SENP7: variants seen among roughly 807,000 people sequenced by gnomAD.
SENP7 encodes SUMO specific peptidase 7.
A neutral mutation model predicts 141.2 loss-of-function variants in SENP7; 64 were observed. The ratio of observed to expected loss-of-function variants is 0.45; its 90% CI spans 0.37 to 0.56. SENP7 has a LOEUF of 0.56. SENP7 is among the 20% of genes least tolerant of loss of function. The pLI is 0.00. For missense variants in SENP7, 1,025 were observed against 1,212.2 expected (o/e 0.85, Z 2.29); for synonymous variants, 382 against 426.4 (o/e 0.90, Z 1.28).
chr3:101,409,982 A>G (rs1050362081), intron 5 of SENP7, among the ~76,000 whole-genome samples: 12 of 152,190 alleles, frequency 7.9e-5, no homozygotes, highest in African/African-American at 2.9e-4. Flanking sequence ...AGGAACAGTC[A>G]GCAGAGTAAA....
chr3:101,500,382 C>T (rs1242973590), intron 2 of SENP7, among the ~76,000 whole-genome samples: 2 of 151,996 alleles, frequency 1.3e-5, no homozygotes, highest in African/African-American at 4.8e-5. Context: ...TAGCAAGACC[C>T]CTGTCTCTAC....
intron 5 of SENP7, among the ~76,000 whole-genome samples, chr3:101,400,082 T>A (rs942856739): frequency 2.0e-5 from 3 of 152,222 alleles, no homozygotes; most frequent in African/African-American, 7.2e-5. Flanking sequence ...TGCTGGCCAG[T>A]CATTATTATG....
In SENP7 at chr3:101,432,260, C is replaced by T. The variant is rs918684949; in HGVS notation, c.285-14470G>A. On this transcript the variant is annotated intron_variant, in intron 4 of 23. Transcript: ENST00000394095. ...CTGCATCTTGTCATTTGAGTGCCAG[C>T]TCAACCATAATACAATAGAACACTA... Among the ~76,000 whole-genome samples, 9 of 152,292 alleles carry T rather than the reference C, an allele frequency of 5.9e-5. No homozygotes were observed. In the South Asian group the frequency reaches 1.0e-3, roughly 18 times the overall value.
At chr3:101,465,935 CAAAG>C (rs2063743683) in intron 3 of SENP7, among the ~76,000 whole-genome samples, 1 of 151,900 alleles carries the variant, frequency 6.6e-6, no homozygotes, top group Admixed American at 6.6e-5. Flanking sequence ...AGAAATTCAA[CAAAG>C]ATTGATATCA....
intron 5 of SENP7, among the ~76,000 whole-genome samples, chr3:101,403,076 A>C (rs1418648940): frequency 6.6e-6 from 1 of 152,234 alleles, no homozygotes; most frequent in Non-Finnish European, 1.5e-5. Flanking sequence ...GTAACAAAGT[A>C]CAGTGAAGTT....
At chr3:101,368,518 C>T (rs983105668) in intron 7 of SENP7, among the ~76,000 whole-genome samples, 11 of 136,252 alleles carry the variant, frequency 8.1e-5, no homozygotes, top group East Asian at 4.3e-4. Context: ...TAGGTGGGAA[C>T]TGAACAATGA....
chr3:101,428,128 A>G (rs4524254), intron 4 of SENP7, among the ~76,000 whole-genome samples: 102,983 of 151,482 alleles, frequency 0.68, 35,475 homozygotes, highest in African/African-American at 0.78. Context: ...CCAAGACTTT[A>G]TTATTATGAA....
At position 101,468,168 on chromosome 3, in the gene SENP7, A is replaced by C. The variant is rs551310810; in HGVS notation, c.187-9116T>G. ...AGACAAGGTTAGAGAAAAAAGAGTAAAAAGAAACAAACAAAGCCTCCAAGA... is the reference window on the plus strand; with the variant it reads ...AGACAAGGTTAGAGAAAAAAGAGTACAAAGAAACAAACAAAGCCTCCAAGA... On this transcript the variant is annotated intron_variant, in intron 3 of 23. Coordinates refer to ENST00000394095, the MANE Select transcript of SENP7 (RefSeq NM_020654.5). Among the ~76,000 whole-genome samples, 28 of 152,322 alleles carry C rather than the reference A, an allele frequency of 1.8e-4. No homozygotes were observed. In the South Asian group the frequency reaches 5.8e-3, roughly 32 times the overall value.
intron 3 of SENP7, among the ~76,000 whole-genome samples, chr3:101,463,380 T>TATATACAC (rs1553744724): frequency 1.4e-5 from 1 of 72,142 alleles, no homozygotes; most frequent in African/African-American, 6.2e-5. Context: ...TATATATATA[T>TATATACAC]ATATATATAT....
intron 6 of SENP7, among the ~76,000 whole-genome samples, chr3:101,394,964 A>G (rs2060926712): frequency 6.6e-6 from 1 of 152,032 alleles, no homozygotes. Context: ...ATGTCTTTTT[A>G]TGTCACTTGC....
At chr3:101,442,603 A>C (rs572003065) in intron 4 of SENP7, among the ~76,000 whole-genome samples, 47 of 152,298 alleles carry the variant, frequency 3.1e-4, no homozygotes, top group Non-Finnish European at 6.6e-4. Context: ...AATCTAAGGA[A>C]ACTCAAAAAG....
chr3:101,416,510 T>G (rs2061627141), intron 5 of SENP7, among the ~76,000 whole-genome samples: 1 of 152,180 alleles, frequency 6.6e-6, no homozygotes, highest in Non-Finnish European at 1.5e-5. Context: ...GAGATTAACC[T>G]GTACTGGGGA....
intron 1 of SENP7, among the ~76,000 whole-genome samples, chr3:101,502,692 A>C (rs2108169821): frequency 1.3e-5 from 2 of 152,264 alleles, no homozygotes; most frequent in South Asian, 4.1e-4. Context: ...GGGCATGGGG[A>C]TCACTTGAGC....
At chr3:101,467,301 C>T (rs1193880661) in intron 3 of SENP7, among the ~76,000 whole-genome samples, 1 of 152,218 alleles carries the variant, frequency 6.6e-6, no homozygotes, top group Non-Finnish European at 1.5e-5. Flanking sequence ...ATGTAAACGT[C>T]CCTGTCTGAC....
chr3:101,457,793 G>C, intron 4 of SENP7: 1 of 613,812 alleles, frequency 1.6e-6, no homozygotes, highest in Non-Finnish European at 2.9e-6. Flanking sequence ...GTCCTGGGTG[G>C]ACCAGCTGAG....
intron 6 of SENP7, among the ~76,000 whole-genome samples, chr3:101,394,893 C>T (rs1048098036): frequency 3.9e-5 from 6 of 152,136 alleles, no homozygotes; most frequent in Non-Finnish European, 5.9e-5. Flanking sequence ...TTCCCTTACA[C>T]TTAGCAATGC....
Position 101,328,515 on chromosome 3 carries a change from C to T in SENP7, c.2827G>A (p.Ala943Thr). Residue 943 changes from alanine (A) to threonine (T), a missense_variant, in exon 22 of 24, where the codon GCT (alanine) becomes ACT (threonine). Physicochemically the swap from Ala to Thr is moderately conservative, Grantham distance 58. Coordinates refer to ENST00000394095, the MANE Select transcript of SENP7 (RefSeq NM_020654.5). Reference sequence around the variant, plus strand: ...TGAACTGTGTTTTGTACAGAAGCAGCTTTCAAGGAGTCTAGTATAAGAATA... The same window carrying T: ...TGAACTGTGTTTTGTACAGAAGCAGTTTTCAAGGAGTCTAGTATAAGAATA... The part of the protein sequence containing the change: ...PCILILDSLK[A>T]ASVQNTVQNL... 6.2e-7 allele frequency: 1 copy of T among 1,612,658 alleles called. No individual in the cohort carries two copies. The highest frequency in any genetic ancestry group is 8.5e-7 in the Non-Finnish European group (1 of 1,179,146).
chr3:101,510,334 C>T (rs2065798148), intron 1 of SENP7, among the ~76,000 whole-genome samples: 1 of 152,206 alleles, frequency 6.6e-6, no homozygotes, highest in Non-Finnish European at 1.5e-5. Context: ...AATTGGGTTT[C>T]TGCTACTTGC....
At chr3:101,441,940 A>G (rs1452252928) in intron 4 of SENP7, among the ~76,000 whole-genome samples, 11 of 152,226 alleles carry the variant, frequency 7.2e-5, no homozygotes, top group African/African-American at 1.4e-4. Flanking sequence ...AGACACCAAT[A>G]TCACTGATTA....
Sources: gnomAD v4.1 joint callset for allele counts (sites outside exome capture counted in the v4.1 genomes callset) on GRCh38, gnomAD v4.1.1 for gene constraint, MANE v1.5 for transcripts, NCBI Gene and HGNC (gene_info 2026-07-23, HGNC 2026-07-21) for gene names.